The following DLC1 variants were observed in gnomAD, a reference collection of about 807,000 sequenced individuals.
The protein encoded by DLC1 is rho GTPase-activating protein 7.
DLC1 carries 54 observed loss-of-function variants against 140.3 expected under a neutral mutation model. The observed-to-expected ratio is 0.38, with a 90% confidence interval of 0.31 to 0.48. The LOEUF (loss-of-function observed/expected upper bound fraction) is 0.48. Among genes scored for constraint, DLC1 ranks in the 20% least tolerant of loss-of-function variants. The probability of loss-of-function intolerance (pLI) is 0.96; values close to 1 mark genes in which losing one functional copy is unlikely to be tolerated. For synonymous variants in DLC1, 986 were observed against 728.1 expected (o/e 1.35, Z -5.70); for missense variants, 2,536 against 1,907.0 (o/e 1.33, Z -6.14).
intron 5 of DLC1, among the ~76,000 whole-genome samples, chr8:13,258,686 T>C (rs189063893): frequency 6.6e-6 from 1 of 152,208 alleles, no homozygotes; most frequent in Non-Finnish European, 1.5e-5. Context: ...CAATGGCCTA[T>C]GTAGCCTGTG....
chr8:13,398,959 C>G (rs289575), intron 3 of DLC1, among the ~76,000 whole-genome samples: 53,082 of 151,874 alleles, frequency 0.35, 10,017 homozygotes, highest in East Asian at 0.77. Flanking sequence ...GGTAAGGATG[C>G]TAAGAGATAA....
At chr8:13,394,675 G>T (rs1836934411) in intron 3 of DLC1, among the ~76,000 whole-genome samples, 1 of 152,082 alleles carries the variant, frequency 6.6e-6, no homozygotes, top group South Asian at 2.1e-4. Flanking sequence ...CTTTGCCGTG[G>T]TTCACATGGT....
chr8:13,584,591 A>G (rs1805235769), intron 1 of DLC1: 1 of 152,188 alleles, frequency 6.6e-6, no homozygotes, highest in African/African-American at 2.4e-5. Context: ...AACAGCATGG[A>G]ACAAAGATTT....
At chr8:13,473,690 A>G (rs1800312678) in intron 2 of DLC1, among the ~76,000 whole-genome samples, 1 of 152,152 alleles carries the variant, frequency 6.6e-6, no homozygotes, top group Non-Finnish European at 1.5e-5. Context: ...GTGGTCTCAG[A>G]TGGAAATGAG....
intron 4 of DLC1, among the ~76,000 whole-genome samples, chr8:13,322,805 T>C (rs1435681700): frequency 6.6e-6 from 1 of 151,780 alleles, no homozygotes; most frequent in African/African-American, 2.4e-5. Flanking sequence ...GTCCACAAAT[T>C]CTTTAACACT....
intron 1 of DLC1, among the ~76,000 whole-genome samples, chr8:13,522,749 G>C (rs1256724867): frequency 1.3e-5 from 2 of 152,072 alleles, no homozygotes; most frequent in African/African-American, 2.4e-5. Context: ...GCTAAGGAGG[G>C]TGTGGAATGA....
At chr8:13,452,951 A>G (rs1036359341) in intron 2 of DLC1, among the ~76,000 whole-genome samples, 20 of 152,162 alleles carry the variant, frequency 1.3e-4, no homozygotes, top group African/African-American at 4.8e-4. Flanking sequence ...TTAAATAACA[A>G]TAGTAGCTCA....
chr8:13,423,681 T>C (rs934884959), intron 2 of DLC1, among the ~76,000 whole-genome samples: 1 of 152,212 alleles, frequency 6.6e-6, no homozygotes, highest in African/African-American at 2.4e-5. Flanking sequence ...CTGAATTTGA[T>C]AAAATTCTTA....
intron 7 of DLC1, among the ~76,000 whole-genome samples, chr8:13,103,117 T>A (rs1819239540): frequency 6.6e-6 from 1 of 151,594 alleles, no homozygotes; most frequent in South Asian, 2.1e-4. Context: ...GAGACCATCC[T>A]GGCTAACACG....
intron 4 of DLC1, among the ~76,000 whole-genome samples, chr8:13,323,333 G>T (rs1833203100): frequency 6.6e-6 from 1 of 152,110 alleles, no homozygotes; most frequent in Admixed American, 6.6e-5. Context: ...TATTCCCTAG[G>T]GAATTAGGTT....
chr8:13,366,496 T>A (rs961557382), intron 4 of DLC1, among the ~76,000 whole-genome samples: 2 of 152,086 alleles, frequency 1.3e-5, no homozygotes, highest in Non-Finnish European at 2.9e-5. Context: ...TGAGGATAAA[T>A]AAACCCAACA....
At chr8:13,190,144 A>T (rs1319315319) in intron 5 of DLC1, among the ~76,000 whole-genome samples, 1 of 152,238 alleles carries the variant, frequency 6.6e-6, no homozygotes, top group Non-Finnish European at 1.5e-5. Flanking sequence ...CGATGTAAAG[A>T]CTAACAAAGT....
chr8:13,473,485 A>G (rs1434322562), intron 2 of DLC1, among the ~76,000 whole-genome samples: 1 of 152,190 alleles, frequency 6.6e-6, no homozygotes, highest in Non-Finnish European at 1.5e-5. Flanking sequence ...TGGTACCAGT[A>G]GAGCGGGGTG....
intron 2 of DLC1, among the ~76,000 whole-genome samples, chr8:13,469,882 A>T (rs1800127214): frequency 1.3e-5 from 2 of 152,208 alleles, no homozygotes; most frequent in Admixed American, 1.3e-4. Context: ...AAAATTAAAT[A>T]TATAAGAAAT....
intron 5 of DLC1, among the ~76,000 whole-genome samples, chr8:13,192,199 C>T (rs1284069291): frequency 6.6e-6 from 1 of 151,982 alleles, no homozygotes; most frequent in Non-Finnish European, 1.5e-5. Context: ...GATCTGCCGG[C>T]CTCGGCCTCC....
chr8:13,448,371 T>TCTTCTTC (rs202194701), intron 2 of DLC1, among the ~76,000 whole-genome samples: 1 of 144,984 alleles, frequency 6.9e-6, no homozygotes, highest in Non-Finnish European at 1.5e-5. Flanking sequence ...TTCTTCTTCT[T>TCTTCTTC]TTTTTTTTTT....
intron 2 of DLC1, among the ~76,000 whole-genome samples, chr8:13,491,765 G>C (rs10104278): frequency 0.86 from 130,878 of 152,124 alleles, 57,015 homozygotes; most frequent in Non-Finnish European, 0.94. Flanking sequence ...CTAGCAGGCA[G>C]AACAGAGAGG....
Position 13,098,496 on chromosome 8 carries a change from A to G in DLC1, c.3070T>C (p.Ser1024Pro). Residue 1024 changes from serine to proline, a missense_variant, in exon 10 of 18, where the codon TCT (serine) becomes CCT (proline). By Grantham distance (74) the Ser-to-Pro change is moderately conservative (BLOSUM62 -1). Transcript: ENST00000276297. The stretch of plus-strand genomic sequence containing the variant: ...TGCAGCAGGTTCATCTGGGCCACAG[A>G]CTGGCAGTTAATCTGTAGTGATACA... ...NSVSLQINCQ[S>P]VAQMNLLQKY... 6.2e-7 allele frequency: 1 copy of G among 1,614,234 alleles called. No homozygotes were observed. The highest frequency in any genetic ancestry group is 8.5e-7 in the Non-Finnish European group (1 of 1,180,028).
At chr8:13,132,329 C>G (rs1037123252) in intron 5 of DLC1, among the ~76,000 whole-genome samples, 2 of 151,848 alleles carry the variant, frequency 1.3e-5, no homozygotes, top group African/African-American at 4.8e-5. Context: ...CAAACCGAGA[C>G]TTCCCTGGCC....
Sources: gnomAD v4.1 joint callset for allele counts (sites outside exome capture counted in the v4.1 genomes callset) on GRCh38, gnomAD v4.1.1 for gene constraint, MANE v1.5 for transcripts, NCBI Gene and HGNC (gene_info 2026-07-23, HGNC 2026-07-21) for gene names.